The following PALM2AKAP2 variants were observed in gnomAD, a reference collection of about 807,000 sequenced individuals.
PALM2AKAP2 encodes PALM2-AKAP2 fusion protein.
In PALM2AKAP2, 37 loss-of-function variants were observed where a neutral mutation model predicts 71.5. The observed-to-expected ratio is 0.52, with a 90% CI of 0.40 to 0.68. The LOEUF (loss-of-function observed/expected upper bound fraction) is 0.68. PALM2AKAP2 is among the 30% of genes least tolerant of loss of function. The pLI, the probability that PALM2AKAP2 is intolerant of heterozygous loss-of-function variation, is 0.00. For synonymous variants in PALM2AKAP2, 468 were observed against 478.8 expected (o/e 0.98, Z 0.29); for missense variants, 1,224 against 1,191.8 (o/e 1.03, Z -0.40).
intron 6 of PALM2AKAP2, among the ~76,000 whole-genome samples, chr9:109,951,840 T>C (rs1254530124): frequency 6.6e-6 from 1 of 152,198 alleles, no homozygotes; most frequent in Non-Finnish European, 1.5e-5. Context: ...TCTCCCAACA[T>C]GTCCTCCCTC....
At chr9:109,802,259 G>A (rs1827452713) in intron 1 of PALM2AKAP2, among the ~76,000 whole-genome samples, 1 of 152,188 alleles carries the variant, frequency 6.6e-6, no homozygotes, top group South Asian at 2.1e-4. Flanking sequence ...GGTCAGAGCA[G>A]GGCTGGCTTC....
At chr9:109,753,368 G>GA (rs1321246715) in intron 1 of PALM2AKAP2, among the ~76,000 whole-genome samples, 1 of 152,052 alleles carries the variant, frequency 6.6e-6, no homozygotes, top group Non-Finnish European at 1.5e-5. Context: ...GGGGGACGGG[G>GA]AAAAAGAGGG....
chr9:110,145,658 C>A (rs956646349), intron 2 of PALM2AKAP2, among the ~76,000 whole-genome samples: 1 of 151,974 alleles, frequency 6.6e-6, no homozygotes, highest in Non-Finnish European at 1.5e-5. Flanking sequence ...CCAGACTTCC[C>A]TGTGTTCTCT....
At chr9:110,009,486 G>A (rs1020037864) in intron 6 of PALM2AKAP2, among the ~76,000 whole-genome samples, 10 of 152,104 alleles carry the variant, frequency 6.6e-5, no homozygotes, top group East Asian at 5.8e-4. Context: ...AGGCCGAGGC[G>A]GGTGGATCAC....
At chr9:110,144,577 A>G (rs1355497387) in intron 2 of PALM2AKAP2, among the ~76,000 whole-genome samples, 2 of 152,372 alleles carry the variant, frequency 1.3e-5, no homozygotes, top group Non-Finnish European at 2.9e-5. Context: ...GAGAATTTAT[A>G]AAGTATATAC....
chr9:109,783,987 A>G (rs1230256541), intron 1 of PALM2AKAP2, among the ~76,000 whole-genome samples: 1 of 152,244 alleles, frequency 6.6e-6, no homozygotes. Flanking sequence ...GAACTAATCA[A>G]TGAGAAAAGA....
intron 6 of PALM2AKAP2, among the ~76,000 whole-genome samples, chr9:109,975,357 GGA>G (rs1287288715): frequency 6.6e-6 from 1 of 152,150 alleles, no homozygotes; most frequent in African/African-American, 2.4e-5. Flanking sequence ...CAGGTTAAGC[GGA>G]GAGAGAAAGT....
At chr9:110,001,230 A>T (rs1468354577) in intron 6 of PALM2AKAP2, among the ~76,000 whole-genome samples, 5 of 152,216 alleles carry the variant, frequency 3.3e-5, no homozygotes, top group Non-Finnish European at 7.3e-5. Flanking sequence ...CTTTCTACAT[A>T]TGGCTAGCCA....
intron 7 of PALM2AKAP2, chr9:110,024,825 GT>G (rs879042144): frequency 0.052 from 23,888 of 455,598 alleles, no homozygotes; most frequent in Middle Eastern, 0.069. Flanking sequence ...TGGGTTTTTT[GT>G]TTTTTTTTTT....
At chr9:109,888,641 C>A (rs1489596643) in intron 3 of PALM2AKAP2, among the ~76,000 whole-genome samples, 1 of 134,630 alleles carries the variant, frequency 7.4e-6, no homozygotes, top group African/African-American at 2.8e-5. Flanking sequence ...ACCCAGGAGG[C>A]GGAGGTTGCA....
intron 1 of PALM2AKAP2, among the ~76,000 whole-genome samples, chr9:110,068,054 G>A (rs1834120777): frequency 6.8e-6 from 1 of 146,224 alleles, no homozygotes; most frequent in Admixed American, 6.7e-5. Context: ...TCCCAGATTG[G>A]GTTTAGAGTT....
intron 3 of PALM2AKAP2, among the ~76,000 whole-genome samples, chr9:109,905,504 T>TTCTC (rs1491468313): frequency 1.3e-5 from 2 of 152,218 alleles, no homozygotes; most frequent in African/African-American, 2.4e-5. Context: ...ATGCAACGAC[T>TTCTC]GTGCCCGTGA....
chr9:109,865,873 G>A (rs1317431204), intron 1 of PALM2AKAP2, among the ~76,000 whole-genome samples: 1 of 152,172 alleles, frequency 6.6e-6, no homozygotes, highest in East Asian at 1.9e-4. Context: ...TTTATCATGT[G>A]CCATCTCTGA....
At chr9:110,103,241 A>G (rs1004636206) in intron 1 of PALM2AKAP2, among the ~76,000 whole-genome samples, 5 of 152,216 alleles carry the variant, frequency 3.3e-5, no homozygotes, top group African/African-American at 1.2e-4. Flanking sequence ...GGGCAGCTCT[A>G]TGCCTAGTCT....
chr9:110,042,814 AC>A (rs1833531244), intron 7 of PALM2AKAP2, among the ~76,000 whole-genome samples: 1 of 152,108 alleles, frequency 6.6e-6, no homozygotes. Context: ...TTTTGTGGGT[AC>A]ATAGTAGGTG....
At chr9:109,932,881 A>G (rs1420303067) in intron 6 of PALM2AKAP2, among the ~76,000 whole-genome samples, 1 of 151,874 alleles carries the variant, frequency 6.6e-6, no homozygotes, top group Non-Finnish European at 1.5e-5. Context: ...AAATCACATA[A>G]TGGCAGATTT....
chr9:110,128,654 A>G (rs955726579), intron 1 of PALM2AKAP2, among the ~76,000 whole-genome samples: 1 of 152,228 alleles, frequency 6.6e-6, no homozygotes, highest in Non-Finnish European at 1.5e-5. Flanking sequence ...CACACTGTGC[A>G]TTTAGGCTAG....
At chr9:109,798,125 T>C (rs1486336984) in intron 1 of PALM2AKAP2, among the ~76,000 whole-genome samples, 1 of 152,166 alleles carries the variant, frequency 6.6e-6, no homozygotes, top group African/African-American at 2.4e-5. Context: ...TCCCTATGTC[T>C]CTTCACATCA....
chr9:110,016,765 G>A (rs1222382743), intron 7 of PALM2AKAP2, among the ~76,000 whole-genome samples: 1 of 152,120 alleles, frequency 6.6e-6, no homozygotes, highest in Non-Finnish European at 1.5e-5. Flanking sequence ...GGATGGGGGT[G>A]GGAGGGCTTT....
Sources: allele counts gnomAD v4.1 joint callset (sites outside exome capture counted in the v4.1 genomes callset), GRCh38; gene constraint gnomAD v4.1.1; transcripts MANE v1.5; gene names NCBI Gene and HGNC (gene_info 2026-07-23, HGNC 2026-07-21).